The following ZNF638 variants were observed in gnomAD, a reference collection of about 807,000 sequenced individuals.
ZNF638 encodes CTCL tumor antigen se33-1.
In ZNF638, 46 loss-of-function variants were observed where a neutral mutation model predicts 195.6. The ratio of observed to expected loss-of-function variants is 0.24; its 90% CI spans 0.19 to 0.30. The LOEUF (loss-of-function observed/expected upper bound fraction) is 0.30. Ranked by LOEUF, ZNF638 falls within the 10% of genes least tolerant of loss-of-function variation. The probability of loss-of-function intolerance (pLI) is 1.00; values close to 1 mark genes in which losing one functional copy is unlikely to be tolerated. For synonymous variants in ZNF638, 845 were observed against 772.0 expected (o/e 1.09, Z -1.57); for missense variants, 2,440 against 2,325.3 (o/e 1.05, Z -1.01).
chr2:71,433,914 C>G (rs1339479363), intron 27 of ZNF638, among the ~76,000 whole-genome samples: 8 of 152,258 alleles, frequency 5.3e-5, no homozygotes, highest in African/African-American at 1.9e-4. Flanking sequence ...AGAAAATAGA[C>G]TTAAGGAGGT....
intron 8 of ZNF638, chr2:71,375,226 C>T (rs2079399136): frequency 6.6e-6 from 1 of 152,156 alleles, no homozygotes. Flanking sequence ...ACAATTTTAT[C>T]ATTTAGGATT....
intron 1 of ZNF638, among the ~76,000 whole-genome samples, chr2:71,336,381 AAAAAAAAAAAAAAAAAAAACC>A (rs1308333250): frequency 2.3e-4 from 3 of 13,166 alleles, no homozygotes; most frequent in African/African-American, 1.1e-3. Context: ...CCAAAAAAAA[AAAAAAAAAAAAAAAAAAAACC>A]AAAAAAACAC....
In ZNF638 at chr2:71,380,289, CTT is replaced by C. The variant is rs748573708; in HGVS notation, c.2324+11_2324+12del. 7 of 1,541,788 alleles carry C rather than the reference CTT, an allele frequency of 4.5e-6. No homozygotes were observed. The highest frequency in any genetic ancestry group is 3.5e-6 in the Non-Finnish European group (4 of 1,146,598). Reference sequence around the variant, plus strand: ...TCTGCATCTACCTTAAAGTAAGTGACTTTATGATTTCATATGTGAGAATGAAA... The same window carrying C: ...TCTGCATCTACCTTAAAGTAAGTGACTATGATTTCATATGTGAGAATGAAA... On this transcript the variant is annotated intron_variant, in intron 9 of 27. Transcript: ENST00000264447.
intron 1 of ZNF638, among the ~76,000 whole-genome samples, chr2:71,338,253 T>C (rs940890848): frequency 6.6e-6 from 1 of 152,258 alleles, no homozygotes; most frequent in Non-Finnish European, 1.5e-5. Flanking sequence ...TCCTTTACTA[T>C]GATGGTTGCA....
In ZNF638 at chr2:71,370,004, A is replaced by G. The variant is rs774667504; in HGVS notation, c.2264A>G (p.Gln755Arg). The change falls in exon 8 of 28, where the codon CAG becomes CGG. Residue 755 changes from glutamine to arginine, a missense_variant and splice_region_variant. Around this residue, in one of 5 missense-constraint regions of ZNF638, gnomAD observed 1,883 missense variants for 1,739.1 expected, o/e 1.08. Coordinates refer to ENST00000264447, the MANE Select transcript of ZNF638 (RefSeq NM_014497.5). ...KICVPGKKKA[Q>R]NKEVKKKTLE... ...TGTGTTCCAGGAAAGAAAAAAGCAC[A>G]GGTAATCTGGATTTAGGTCTTAAAT... 1.3e-6 allele frequency: 2 copies of G among 1,589,744 alleles called. 1 individual carries two copies. The highest frequency in any genetic ancestry group is 3.8e-5 in the Admixed American group (2 of 52,792).
At chr2:71,390,059 C>T (rs1469860934) in intron 10 of ZNF638, among the ~76,000 whole-genome samples, 1 of 152,164 alleles carries the variant, frequency 6.6e-6, no homozygotes, top group Non-Finnish European at 1.5e-5. Flanking sequence ...GGCAGTGCCC[C>T]ACTAGTAGAG....
intron 20 of ZNF638, among the ~76,000 whole-genome samples, chr2:71,409,854 G>GT (rs1320340011): frequency 6.6e-6 from 1 of 152,048 alleles, no homozygotes; most frequent in Non-Finnish European, 1.5e-5. Flanking sequence ...AGTCATGTCT[G>GT]TTTTTTCTTG....
chr2:71,430,118 GT>G (rs1314697753), intron 25 of ZNF638, among the ~76,000 whole-genome samples: 1 of 152,106 alleles, frequency 6.6e-6, no homozygotes, highest in Non-Finnish European at 1.5e-5. Context: ...TGAACAATAT[GT>G]TTTGACAAAA....
Position 71,434,845 on chromosome 2 carries a change from G to C in ZNF638, c.*38G>C. 6.6e-7 allele frequency: 1 copy of C among 1,516,526 alleles called. No homozygotes were observed. The highest frequency in any genetic ancestry group is 8.9e-7 in the Non-Finnish European group (1 of 1,119,464). 93.9% of individuals were successfully genotyped at this position (1,516,526 alleles called of 1,614,324 possible). On this transcript the variant is annotated 3_prime_UTR_variant, in exon 28 of 28. Coordinates refer to ENST00000264447, the MANE Select transcript of ZNF638 (RefSeq NM_014497.5). ...AAAGAATTCACTAGAAATTTGTTTAGGGTCCAGTTGATTTGTGTATTTTTG... is the reference window on the plus strand; with the variant it reads ...AAAGAATTCACTAGAAATTTGTTTACGGTCCAGTTGATTTGTGTATTTTTG...
chr2:71,349,122 T>C lies in ZNF638; in HGVS notation c.168T>C (p.Ala56=). The C allele has an allele frequency of 1.2e-6, 2 of 1,614,198 alleles. No homozygotes were observed. The highest frequency in any genetic ancestry group is 1.7e-6 in the Non-Finnish European group (2 of 1,180,028). Residue 56 remains alanine (A), a synonymous_variant, in exon 2 of 28, where the codon GCT becomes GCC. Coordinates refer to ENST00000264447, the MANE Select transcript of ZNF638 (RefSeq NM_014497.5). ...GRARGIPHRF[A]GHESYQNMGP... is the part of the protein sequence containing the mutation. ...CACGTGGAATTCCACACAGATTTGC[T>C]GGCCATGAATCTTATCAGAACATGG...
chr2:71,431,410 G>A lies in ZNF638; in HGVS notation c.5734G>A (p.Ala1912Thr). 1 of 1,613,888 alleles carries A rather than the reference G, an allele frequency of 6.2e-7. No individual in the cohort carries two copies. The highest frequency in any genetic ancestry group is 2.2e-5 in the East Asian group (1 of 44,874). Reference protein sequence around the residue: ...TEDSSSGKSVASDVPEELDFL... With the variant: ...TEDSSSGKSVTSDVPEELDFL... ...AGACTCTTCTTCAGGCAAATCAGTG[G>A]CGTCTGATGTCCCTGAGGGTAAAGT... Residue 1912 changes from alanine to threonine, a missense_variant, in exon 26 of 28, where the codon GCG becomes ACG. Transcript: ENST00000264447.
chr2:71,347,883 A>G (rs1244619704), intron 1 of ZNF638, among the ~76,000 whole-genome samples: 2 of 152,196 alleles, frequency 1.3e-5, no homozygotes. Flanking sequence ...CAGCACAGTC[A>G]CTTTTCTTTG....
Position 71,363,149 on chromosome 2 carries a change from A to T in ZNF638, c.1380-4A>T. The T allele has an allele frequency of 6.3e-7, 1 of 1,594,930 alleles. No homozygotes were observed. The highest frequency in any genetic ancestry group is 8.6e-7 in the Non-Finnish European group (1 of 1,167,714). ...TTAGTTAATATTGTTTATTTTCAAA[A>T]TAGGTATCCTGATTGGAATCCTGAG... On this transcript the variant is annotated splice_polypyrimidine_tract_variant and splice_region_variant and intron_variant, in intron 3 of 27. Transcript: ENST00000264447.
At chr2:71,340,555 T>C (rs2078746162) in intron 1 of ZNF638, among the ~76,000 whole-genome samples, 1 of 152,242 alleles carries the variant, frequency 6.6e-6, no homozygotes, top group Non-Finnish European at 1.5e-5. Flanking sequence ...AACAGTGCTC[T>C]AACAAAGCAG....
chr2:71,348,211 A>G (rs2078883958), intron 1 of ZNF638, among the ~76,000 whole-genome samples: 1 of 152,234 alleles, frequency 6.6e-6, no homozygotes, highest in African/African-American at 2.4e-5. Flanking sequence ...TTTATCTTAC[A>G]AGAAACAACT....
At chr2:71,373,305 G>A (rs2079350611) in intron 8 of ZNF638, among the ~76,000 whole-genome samples, 1 of 151,494 alleles carries the variant, frequency 6.6e-6, no homozygotes, top group Non-Finnish European at 1.5e-5. Context: ...TTTTATTATT[G>A]TTGTCTTTTT....
intron 10 of ZNF638, chr2:71,395,524 G>T: frequency 1.6e-6 from 1 of 615,456 alleles, no homozygotes. Flanking sequence ...GAGTGTAAAG[G>T]AATTTATCTA....
chr2:71,385,510 G>C (rs1360172568), intron 10 of ZNF638, among the ~76,000 whole-genome samples: 1 of 152,150 alleles, frequency 6.6e-6, no homozygotes, highest in East Asian at 1.9e-4. Flanking sequence ...GTGGGAGGGA[G>C]GTGGCTATTG....
chr2:71,427,103 A>G lies in ZNF638; in HGVS notation c.5234A>G (p.Asp1745Gly). Residue 1745 changes from aspartate to glycine, a missense_variant, in exon 24 of 28, where the codon GAT becomes GGT. Physicochemically the swap from Asp to Gly is moderately conservative, Grantham distance 94 (BLOSUM62 -1). Around this residue, in one of 5 missense-constraint regions of ZNF638, gnomAD observed 1,883 missense variants for 1,739.1 expected, o/e 1.08. Coordinates refer to ENST00000264447, the MANE Select transcript of ZNF638 (RefSeq NM_014497.5). ...TVDEIQDDSS[D>G]LHLVTLDEVT... is the part of the protein sequence containing the mutation. The stretch of plus-strand genomic sequence containing the variant: ...GATGAAATACAAGATGACAGCAGTG[A>G]TTTGCATTTAGTGACTTTGGATGAA... 1 of 1,614,182 alleles carries G rather than the reference A, an allele frequency of 6.2e-7. No homozygotes were observed. Among genetic ancestry groups the G allele is most frequent in the Non-Finnish European group, 8.5e-7 (1 of 1,180,018 alleles).
Sources: gnomAD v4.1 joint callset for allele counts (sites outside exome capture counted in the v4.1 genomes callset) on GRCh38, gnomAD v4.1.1 for gene constraint, gnomAD v4.1.1 regional missense constraint, MANE v1.5 for transcripts, NCBI Gene and HGNC (gene_info 2026-07-23, HGNC 2026-07-21) for gene names.